CNTLN: variants seen among roughly 807,000 people sequenced by gnomAD.
CNTLN encodes centlein, centrosomal protein.
CNTLN carries 212 observed loss-of-function variants against 180.0 expected under a neutral mutation model. The observed-to-expected ratio is 1.18, with a 90% CI of 1.05 to 1.32. CNTLN has a LOEUF of 1.32. Ranked by LOEUF, CNTLN falls within the 40% of genes most tolerant of loss-of-function variation. The pLI is 0.00. For missense variants in CNTLN, 2,095 were observed against 1,610.9 expected (o/e 1.30, Z -5.14); for synonymous variants, 722 against 563.1 (o/e 1.28, Z -3.99).
chr9:17,399,579 G>A (rs1826807185), intron 15 of CNTLN, among the ~76,000 whole-genome samples: 1 of 152,152 alleles, frequency 6.6e-6, no homozygotes. Flanking sequence ...CAACCTTAGT[G>A]CTAAAGCCCT....
At chr9:17,293,400 C>G (rs796795208) in intron 6 of CNTLN, among the ~76,000 whole-genome samples, 10 of 152,326 alleles carry the variant, frequency 6.6e-5, no homozygotes, top group African/African-American at 2.4e-4. Context: ...TCTGTGAATA[C>G]TGTGGCTGCC....
At chr9:17,266,850 A>G (rs1248197535) in intron 5 of CNTLN, among the ~76,000 whole-genome samples, 1 of 152,156 alleles carries the variant, frequency 6.6e-6, no homozygotes, top group Non-Finnish European at 1.5e-5. Context: ...ATCAGAGACT[A>G]GGATTGCAAC....
chr9:17,258,854 T>A (rs1280958916), intron 5 of CNTLN, among the ~76,000 whole-genome samples: 2 of 145,716 alleles, frequency 1.4e-5, no homozygotes, highest in Middle Eastern at 3.5e-3. Flanking sequence ...AAGTTGCTTA[T>A]CAGCTTAAGG....
At chr9:17,452,856 G>T (rs1395744805) in intron 18 of CNTLN, among the ~76,000 whole-genome samples, 2 of 152,084 alleles carry the variant, frequency 1.3e-5, no homozygotes, top group Non-Finnish European at 2.9e-5. Flanking sequence ...CCTATTCATG[G>T]GATCCTACAG....
At chr9:17,141,591 C>T (rs989872390) in intron 1 of CNTLN, among the ~76,000 whole-genome samples, 1 of 152,002 alleles carries the variant, frequency 6.6e-6, no homozygotes, top group Non-Finnish European at 1.5e-5. Flanking sequence ...GATTAGTTTC[C>T]TAATTTAATG....
chr9:17,217,490 T>C (rs1380871149), intron 2 of CNTLN, among the ~76,000 whole-genome samples: 1 of 152,224 alleles, frequency 6.6e-6, no homozygotes, highest in Admixed American at 6.5e-5. Flanking sequence ...GGATGGCTGC[T>C]CAGGACACAG....
At chr9:17,270,465 C>T (rs1442277223) in intron 5 of CNTLN, among the ~76,000 whole-genome samples, 2 of 152,086 alleles carry the variant, frequency 1.3e-5, no homozygotes, top group African/African-American at 4.8e-5. Flanking sequence ...ACCAAATCAT[C>T]TCAATAAATT....
intron 5 of CNTLN, among the ~76,000 whole-genome samples, chr9:17,249,082 A>G (rs961101225): frequency 6.6e-6 from 1 of 151,658 alleles, no homozygotes; most frequent in African/African-American, 2.4e-5. Context: ...TCTAATATTC[A>G]TTATTTATTT....
At chr9:17,384,935 CTG>C (rs1477748440) in intron 13 of CNTLN, among the ~76,000 whole-genome samples, 1 of 152,172 alleles carries the variant, frequency 6.6e-6, no homozygotes, top group African/African-American at 2.4e-5. Flanking sequence ...AGATTAAGGA[CTG>C]TGTCCCACAG....
intron 6 of CNTLN, among the ~76,000 whole-genome samples, chr9:17,281,701 G>A (rs1828675476): frequency 1.3e-5 from 2 of 152,208 alleles, no homozygotes; most frequent in East Asian, 1.9e-4. Context: ...GGGCATTTGG[G>A]TTGATTCAAT....
At position 17,330,620 on chromosome 9, in the gene CNTLN, T is replaced by C. The variant is rs914293484; in HGVS notation, c.1342-12T>C. ...CATAGATATCTATTTACAATTATAC[T>C]TTTTAAAATAGGTACCTCATCGCCC... On this transcript the variant is annotated splice_polypyrimidine_tract_variant and intron_variant, in intron 8 of 25. Coordinates refer to ENST00000380647, the MANE Select transcript of CNTLN (RefSeq NM_017738.4). 5.4e-6 allele frequency: 8 copies of C among 1,484,806 alleles called. No individual in the cohort carries two copies. Among genetic ancestry groups the C allele is most frequent in the Non-Finnish European group, 6.4e-6 (7 of 1,099,820 alleles). 92.0% of individuals were successfully genotyped at this position (1,484,806 alleles called of 1,614,324 possible).
intron 2 of CNTLN, among the ~76,000 whole-genome samples, chr9:17,207,011 CTG>C (rs1282526410): frequency 6.6e-6 from 1 of 152,154 alleles, no homozygotes; most frequent in Non-Finnish European, 1.5e-5. Context: ...GTAGTGGACT[CTG>C]GAGCCCAGGC....
chr9:17,389,083 G>T (rs963491895), intron 14 of CNTLN, among the ~76,000 whole-genome samples: 1 of 151,770 alleles, frequency 6.6e-6, no homozygotes, highest in African/African-American at 2.4e-5. Flanking sequence ...TATTAACATA[G>T]TAACTTATAT....
intron 2 of CNTLN, among the ~76,000 whole-genome samples, chr9:17,197,602 C>G (rs1357027643): frequency 6.6e-6 from 1 of 152,006 alleles, no homozygotes; most frequent in Non-Finnish European, 1.5e-5. Flanking sequence ...TTTTCCTATA[C>G]AGTTGTTTGA....
At chr9:17,280,074 C>G (rs1388787536) in intron 6 of CNTLN, among the ~76,000 whole-genome samples, 2 of 152,154 alleles carry the variant, frequency 1.3e-5, no homozygotes, top group African/African-American at 4.8e-5. Context: ...GTAAGAATAA[C>G]TGTAAGAAAT....
chr9:17,197,031 T>C (rs1822177687), intron 2 of CNTLN, among the ~76,000 whole-genome samples: 1 of 152,172 alleles, frequency 6.6e-6, no homozygotes, highest in African/African-American at 2.4e-5. Context: ...ATCATTCTGC[T>C]CTCTGTCTCC....
intron 8 of CNTLN, among the ~76,000 whole-genome samples, chr9:17,318,000 A>C (rs1819642720): frequency 2.0e-5 from 3 of 151,432 alleles, no homozygotes; most frequent in Admixed American, 1.3e-4. Context: ...AAGAGTGGTG[A>C]GATCTAACTG....
intron 5 of CNTLN, among the ~76,000 whole-genome samples, chr9:17,267,991 T>C (rs1277044056): frequency 1.3e-5 from 2 of 152,156 alleles, no homozygotes; most frequent in African/African-American, 4.8e-5. Context: ...AATTTCCTCT[T>C]GTAGCTTGGA....
intron 18 of CNTLN, among the ~76,000 whole-genome samples, chr9:17,418,580 G>C (rs1828451093): frequency 6.6e-6 from 1 of 151,964 alleles, no homozygotes; most frequent in South Asian, 2.1e-4. Flanking sequence ...AACAGATTAA[G>C]TTCAGCCTTT....
Sources: gnomAD v4.1 joint callset for allele counts (sites outside exome capture counted in the v4.1 genomes callset) on GRCh38, gnomAD v4.1.1 for gene constraint, MANE v1.5 for transcripts, NCBI Gene and HGNC (gene_info 2026-07-23, HGNC 2026-07-21) for gene names.